Variants in MYO3B observed in about 807,000 individuals in gnomAD.
The protein encoded by MYO3B is myosin-IIIb.
Under a neutral mutation model 174.6 loss-of-function variants are expected in MYO3B, and 156 were observed. The ratio of observed to expected loss-of-function variants is 0.89; its 90% confidence interval spans 0.78 to 1.02. MYO3B has a LOEUF of 1.02. Ranked by LOEUF, MYO3B falls within the 50% of genes least tolerant of loss-of-function variation. MYO3B has a pLI of 0.00. For synonymous variants in MYO3B, 563 were observed against 569.1 expected (o/e 0.99, Z 0.15); for missense variants, 1,632 against 1,639.4 (o/e 1.00, Z 0.08).
intron 16 of MYO3B, among the ~76,000 whole-genome samples, chr2:170,392,807 A>G (rs922563766): frequency 6.6e-6 from 1 of 152,126 alleles, no homozygotes; most frequent in Admixed American, 6.5e-5. Flanking sequence ...ATAAATTGTT[A>G]TCATTGTCAT....
At chr2:170,322,418 A>G (rs1443794851) in intron 7 of MYO3B, among the ~76,000 whole-genome samples, 1 of 152,220 alleles carries the variant, frequency 6.6e-6, no homozygotes, top group Admixed American at 6.5e-5. Context: ...GACCCGCAGC[A>G]TAATCCATTC....
At chr2:170,444,838 C>T (rs1410741767) in intron 23 of MYO3B, among the ~76,000 whole-genome samples, 1 of 152,176 alleles carries the variant, frequency 6.6e-6, no homozygotes, top group African/African-American at 2.4e-5. Flanking sequence ...TACATTTCAA[C>T]CTTGCTACTT....
At chr2:170,629,349 C>T (rs966269288) in intron 32 of MYO3B, among the ~76,000 whole-genome samples, 4 of 152,200 alleles carry the variant, frequency 2.6e-5, no homozygotes, top group African/African-American at 7.2e-5. Flanking sequence ...GTATCTGAGG[C>T]TACAGAGTCT....
chr2:170,254,066 A>G (rs750929267), intron 7 of MYO3B, among the ~76,000 whole-genome samples: 15 of 152,092 alleles, frequency 9.9e-5, no homozygotes, highest in Non-Finnish European at 2.1e-4. Flanking sequence ...AGAGGGAGGA[A>G]GCTGGGAAGC....
intron 22 of MYO3B, among the ~76,000 whole-genome samples, chr2:170,438,642 C>T (rs1208945626): frequency 1.3e-5 from 2 of 149,168 alleles, no homozygotes; most frequent in Admixed American, 6.7e-5. Context: ...GGTAATATTT[C>T]TTTTTTTTTT....
chr2:170,480,373 A>G (rs1685613609), intron 25 of MYO3B, among the ~76,000 whole-genome samples: 3 of 152,188 alleles, frequency 2.0e-5, no homozygotes, highest in Admixed American at 1.3e-4. Context: ...AGTTGAACAC[A>G]TGGAGGTTCC....
intron 32 of MYO3B, among the ~76,000 whole-genome samples, chr2:170,584,573 T>A (rs1180053790): frequency 6.6e-6 from 1 of 152,256 alleles, no homozygotes; most frequent in African/African-American, 2.4e-5. Context: ...CCATTAAGTG[T>A]TTCTTGGATT....
In MYO3B at chr2:170,433,817, C is replaced by A. The variant is rs143721051; in HGVS notation, c.2651-10150C>A. Among the ~76,000 whole-genome samples the A allele has an allele frequency of 3.5e-3, 539 of 152,246 alleles. 5 individuals are homozygous for A. The highest frequency in any genetic ancestry group is 0.012 in the African/African-American group (512 of 41,554). On this transcript the variant is annotated intron_variant, in intron 22 of 34. Transcript: ENST00000408978. ...TGCTGTTCACATAATGACAAAATTC[C>A]TTATGACTCTTTTCTTACAATATAT... is the stretch of plus-strand genomic sequence containing the variant.
At chr2:170,599,974 G>C (rs191897481) in intron 32 of MYO3B, among the ~76,000 whole-genome samples, 8 of 152,000 alleles carry the variant, frequency 5.3e-5, no homozygotes, top group Middle Eastern at 3.4e-3. Context: ...AAATTCATAA[G>C]TCAGCCATAA....
At chr2:170,320,530 T>A (rs1185372336) in intron 7 of MYO3B, among the ~76,000 whole-genome samples, 1 of 152,190 alleles carries the variant, frequency 6.6e-6, no homozygotes. Context: ...AGCAACAGTG[T>A]ATGTTTTTGT....
chr2:170,474,683 CG>C (rs1685204066), intron 25 of MYO3B, among the ~76,000 whole-genome samples: 2 of 124,602 alleles, frequency 1.6e-5, no homozygotes, highest in East Asian at 5.3e-4. Context: ...GTGGAGATTG[CG>C]GTGAGCCGAG....
chr2:170,584,218 A>G (rs780686989), intron 32 of MYO3B, among the ~76,000 whole-genome samples: 7 of 152,250 alleles, frequency 4.6e-5, no homozygotes, highest in Non-Finnish European at 1.0e-4. Flanking sequence ...TCTGTGGTGT[A>G]TCTCCCTCCA....
At position 170,329,151 on chromosome 2, in the gene MYO3B, C is replaced by CAAA. The variant is rs531114026; in HGVS notation, c.750-6234_750-6233insAAA. Among the ~76,000 whole-genome samples the CAAA allele has an allele frequency of 6.6e-3, 976 of 148,524 alleles. 16 individuals are homozygous for CAAA. The highest frequency in any genetic ancestry group is 0.023 in the African/African-American group (923 of 40,148). On this transcript the variant is annotated intron_variant, in intron 7 of 34. Coordinates refer to ENST00000408978, the MANE Select transcript of MYO3B (RefSeq NM_138995.5). ...TGGGCGACTGAGTGAGACTCTGTCT[C>CAAA]CAAAAAAAAAAATACTACTACTACT... is the stretch of plus-strand genomic sequence containing the variant.
rs375093507 is a variant in MYO3B, at chr2:170,499,920, C to CCCCT, written c.3289+125_3289+128dup. ...TGGTTTCCCTCCCTCCCTTCCTTCT[C>CCCCT]CCCTCCCTCCCTCCCTTCCTTCCTT... On this transcript the variant is annotated intron_variant, in intron 27 of 34. Coordinates refer to ENST00000408978, the MANE Select transcript of MYO3B (RefSeq NM_138995.5). 235 of 743,520 alleles carry CCCCT rather than the reference C, an allele frequency of 3.2e-4. 5 individuals carry two copies. In the South Asian group the frequency reaches 3.3e-3, roughly 10 times the overall value. 46.1% of individuals were successfully genotyped at this position (743,520 alleles called of 1,614,324 possible).
intron 22 of MYO3B, among the ~76,000 whole-genome samples, chr2:170,411,305 G>A (rs573281743): frequency 1.3e-4 from 20 of 152,216 alleles, no homozygotes; most frequent in East Asian, 9.6e-4. Context: ...TGATTTCATC[G>A]TTGTACAAAC....
Position 170,597,710 on chromosome 2 carries a change from T to C in MYO3B, c.3733+53722T>C, listed in dbSNP as rs147666472. ...TCATGAACCCTAAATGATTGTGGTA[T>C]TATCCTCAAGGCGAATGAATCTTCT... On this transcript the variant is annotated intron_variant, in intron 32 of 34. Coordinates refer to ENST00000408978, the MANE Select transcript of MYO3B (RefSeq NM_138995.5). Among the ~76,000 whole-genome samples, 4 of 152,336 alleles carry C rather than the reference T, an allele frequency of 2.6e-5. No homozygotes were observed. In the East Asian group the frequency reaches 7.7e-4, roughly 29 times the overall value.
chr2:170,385,455 G>A (rs1372402541), intron 12 of MYO3B, among the ~76,000 whole-genome samples: 1 of 152,034 alleles, frequency 6.6e-6, no homozygotes, highest in Non-Finnish European at 1.5e-5. Context: ...AAATCCCAAA[G>A]GTTTTAGGAG....
intron 7 of MYO3B, among the ~76,000 whole-genome samples, chr2:170,271,598 G>A (rs749611601): frequency 3.3e-5 from 5 of 152,178 alleles, no homozygotes; most frequent in Non-Finnish European, 7.4e-5. Context: ...AGAGTACAAC[G>A]TGGCCTAATG....
At chr2:170,197,390 C>T (rs1376344301) in intron 1 of MYO3B, among the ~76,000 whole-genome samples, 1 of 152,140 alleles carries the variant, frequency 6.6e-6, no homozygotes, top group East Asian at 1.9e-4. Context: ...TGAGATTTTT[C>T]AATATTTTGT....
Sources: gnomAD v4.1 joint callset for allele counts (sites outside exome capture counted in the v4.1 genomes callset) on GRCh38, gnomAD v4.1.1 for gene constraint, MANE v1.5 for transcripts, NCBI Gene and HGNC (gene_info 2026-07-23, HGNC 2026-07-21) for gene names.